The following LRRTM4 variants were observed in gnomAD, a reference collection of about 807,000 sequenced individuals.
The protein encoded by LRRTM4 is leucine rich repeat transmembrane neuronal 4.
A neutral mutation model predicts 47.6 loss-of-function variants in LRRTM4; 25 were observed. The ratio of observed to expected loss-of-function variants is 0.53; its 90% CI spans 0.38 to 0.73. LRRTM4 has a LOEUF of 0.73. Ranked by LOEUF, LRRTM4 falls within the 30% of genes least tolerant of loss-of-function variation. LRRTM4 has a pLI of 0.00. For synonymous variants in LRRTM4, 311 were observed against 269.5 expected (o/e 1.15, Z -1.51); for missense variants, 638 against 713.4 (o/e 0.89, Z 1.20).
chr2:77,433,155 A>G (rs1443029142), intron 3 of LRRTM4, among the ~76,000 whole-genome samples: 2 of 152,210 alleles, frequency 1.3e-5, no homozygotes, highest in East Asian at 1.9e-4. Context: ...TAAATTTCTT[A>G]AAACTATACA....
intron 3 of LRRTM4, among the ~76,000 whole-genome samples, chr2:76,868,949 C>T (rs540096912): frequency 3.9e-5 from 6 of 152,046 alleles, no homozygotes; most frequent in Non-Finnish European, 8.8e-5. Context: ...TTACTTAACA[C>T]GATAGCATGT....
intron 3 of LRRTM4, among the ~76,000 whole-genome samples, chr2:77,404,270 G>A (rs906646852): frequency 6.6e-6 from 1 of 151,900 alleles, no homozygotes; most frequent in African/African-American, 2.4e-5. Flanking sequence ...TGCAATTATT[G>A]TAATTGTATC....
chr2:77,083,296 G>A (rs372501189), intron 3 of LRRTM4, among the ~76,000 whole-genome samples: 4 of 152,084 alleles, frequency 2.6e-5, no homozygotes, highest in Non-Finnish European at 5.9e-5. Flanking sequence ...AAAAGCTTTG[G>A]GTTGAGCTCC....
At chr2:77,091,026 C>T (rs1219846791) in intron 3 of LRRTM4, among the ~76,000 whole-genome samples, 2 of 152,044 alleles carry the variant, frequency 1.3e-5, no homozygotes, top group Non-Finnish European at 2.9e-5. Flanking sequence ...GTATTGACGG[C>T]CAGGCTTCTA....
At chr2:77,000,599 T>G (rs530393134) in intron 3 of LRRTM4, among the ~76,000 whole-genome samples, 1 of 152,152 alleles carries the variant, frequency 6.6e-6, no homozygotes, top group African/African-American at 2.4e-5. Context: ...CTAAGTAAGA[T>G]GAAGTGGAAG....
chr2:76,754,639 T>C (rs989968008), intron 3 of LRRTM4, among the ~76,000 whole-genome samples: 17 of 152,148 alleles, frequency 1.1e-4, no homozygotes, highest in Admixed American at 1.0e-3. Context: ...CCACTTATGG[T>C]AGATTACATT....
intron 3 of LRRTM4, among the ~76,000 whole-genome samples, chr2:77,021,337 A>G (rs2104104320): frequency 6.6e-6 from 1 of 152,242 alleles, no homozygotes; most frequent in East Asian, 1.9e-4. Flanking sequence ...AGGGACATGC[A>G]TCAGTGGAGT....
chr2:76,844,667 A>G (rs142504927), intron 3 of LRRTM4, among the ~76,000 whole-genome samples: 2 of 152,146 alleles, frequency 1.3e-5, no homozygotes, highest in Admixed American at 6.6e-5. Context: ...TCTCAATTCT[A>G]AAAGCATGTG....
At chr2:76,797,743 T>C (rs922919833) in intron 3 of LRRTM4, among the ~76,000 whole-genome samples, 13 of 150,938 alleles carry the variant, frequency 8.6e-5, no homozygotes, top group African/African-American at 2.7e-4. Flanking sequence ...GAGACACACA[T>C]AGGCTCAAAA....
intron 3 of LRRTM4, among the ~76,000 whole-genome samples, chr2:77,029,073 T>TA (rs1317528876): frequency 2.9e-5 from 4 of 137,216 alleles, no homozygotes; most frequent in African/African-American, 1.1e-4. Flanking sequence ...ATATATATAA[T>TA]ATATATATAT....
At chr2:76,958,101 T>C (rs1215305715) in intron 3 of LRRTM4, among the ~76,000 whole-genome samples, 1 of 151,764 alleles carries the variant, frequency 6.6e-6, no homozygotes, top group Non-Finnish European at 1.5e-5. Flanking sequence ...TTTCATTTAC[T>C]ACAAAATTCC....
intron 3 of LRRTM4, among the ~76,000 whole-genome samples, chr2:77,255,287 T>A (rs1198956549): frequency 6.6e-6 from 1 of 151,874 alleles, no homozygotes; most frequent in East Asian, 1.9e-4. Context: ...AACTGATAGA[T>A]TGAAAGGAGA....
chr2:77,303,314 A>G (rs1218518754), intron 3 of LRRTM4, among the ~76,000 whole-genome samples: 2 of 152,214 alleles, frequency 1.3e-5, no homozygotes, highest in Non-Finnish European at 2.9e-5. Flanking sequence ...TTTCCAGAAT[A>G]AAATTGATTG....
At chr2:77,136,194 G>A (rs986809884) in intron 3 of LRRTM4, among the ~76,000 whole-genome samples, 1 of 152,154 alleles carries the variant, frequency 6.6e-6, no homozygotes, top group African/African-American at 2.4e-5. Flanking sequence ...GTGGGTCCCT[G>A]ACCCCTGAGT....
At chr2:76,902,036 C>T (rs1446192953) in intron 3 of LRRTM4, among the ~76,000 whole-genome samples, 4 of 152,076 alleles carry the variant, frequency 2.6e-5, no homozygotes, top group Admixed American at 6.6e-5. Flanking sequence ...ATAGTTTTCT[C>T]AGAATGCAAG....
chr2:76,775,352 C>T (rs974321476), intron 3 of LRRTM4, among the ~76,000 whole-genome samples: 2 of 151,768 alleles, frequency 1.3e-5, no homozygotes, highest in African/African-American at 4.9e-5. Flanking sequence ...CCTTATGATC[C>T]CCTGATCTAG....
At chr2:77,467,224 T>G (rs942707198) in intron 3 of LRRTM4, among the ~76,000 whole-genome samples, 1 of 152,130 alleles carries the variant, frequency 6.6e-6, no homozygotes, top group South Asian at 2.1e-4. Context: ...CCCTCCCACT[T>G]GGGCCTGGTG....
intron 3 of LRRTM4, among the ~76,000 whole-genome samples, chr2:77,364,288 TAA>T (rs1672356891): frequency 2.0e-5 from 3 of 152,144 alleles, no homozygotes; most frequent in African/African-American, 7.2e-5. Flanking sequence ...AAAATTCCTC[TAA>T]AAATTGAGTC....
intron 3 of LRRTM4, among the ~76,000 whole-genome samples, chr2:77,031,087 A>G (rs1448706997): frequency 6.6e-6 from 1 of 152,164 alleles, no homozygotes; most frequent in Non-Finnish European, 1.5e-5. Context: ...TGTAAGCACA[A>G]TGTTAATATC....
Sources: gnomAD v4.1 joint callset for allele counts (sites outside exome capture counted in the v4.1 genomes callset) on GRCh38, gnomAD v4.1.1 for gene constraint, MANE v1.5 for transcripts, NCBI Gene and HGNC (gene_info 2026-07-23, HGNC 2026-07-21) for gene names.